Variants in PTPRT observed in about 807,000 individuals in gnomAD.
PTPRT encodes receptor-type tyrosine-protein phosphatase T.
PTPRT carries 56 observed loss-of-function variants against 176.8 expected under a neutral mutation model. The observed-to-expected ratio is 0.32, with a 90% CI of 0.26 to 0.40. PTPRT has a LOEUF of 0.40. Among genes scored for constraint, PTPRT ranks in the 10% least tolerant of loss-of-function variants. PTPRT has a pLI of 1.00. For synonymous variants in PTPRT, 783 were observed against 739.0 expected (o/e 1.06, Z -0.96); for missense variants, 1,540 against 1,908.2 (o/e 0.81, Z 3.60).
intron 10 of PTPRT, among the ~76,000 whole-genome samples, chr20:42,351,557 A>G (rs2058284289): frequency 6.6e-6 from 1 of 152,254 alleles, no homozygotes; most frequent in African/African-American, 2.4e-5. Flanking sequence ...AATTGCATAC[A>G]TATTTAGGAT....
At chr20:42,572,144 C>T (rs779628463) in intron 7 of PTPRT, among the ~76,000 whole-genome samples, 9 of 152,074 alleles carry the variant, frequency 5.9e-5, no homozygotes, top group Non-Finnish European at 1.0e-4. Context: ...CAGAAGAGGC[C>T]GGGGGCTCCC....
intron 9 of PTPRT, among the ~76,000 whole-genome samples, chr20:42,415,390 T>TTTG (rs1215456983): frequency 8.3e-5 from 9 of 108,742 alleles, no homozygotes; most frequent in African/African-American, 3.0e-4. Context: ...TTGTTTGTTT[T>TTTG]TTGTAGATAC....
intron 9 of PTPRT, among the ~76,000 whole-genome samples, chr20:42,418,647 C>T (rs569096124): frequency 3.0e-4 from 45 of 152,254 alleles, no homozygotes; most frequent in African/African-American, 8.7e-4. Context: ...AACAGAGAGA[C>T]GCAAATTACC....
At chr20:42,072,103 A>G (rs1471380902), downstream of PTPRT, among the ~76,000 whole-genome samples, 2 of 152,190 alleles carry the variant, frequency 1.3e-5, no homozygotes, top group Non-Finnish European at 2.9e-5. Flanking sequence ...AGCAAAATAT[A>G]TATGTGATTG....
chr20:42,327,296 A>T (rs2057898749), intron 11 of PTPRT, among the ~76,000 whole-genome samples: 1 of 152,128 alleles, frequency 6.6e-6, no homozygotes, highest in African/African-American at 2.4e-5. Flanking sequence ...GAATTAATTT[A>T]TTTACTGAAA....
chr20:42,677,369 G>T (rs2075522580), intron 7 of PTPRT, among the ~76,000 whole-genome samples: 1 of 151,818 alleles, frequency 6.6e-6, no homozygotes, highest in Admixed American at 6.6e-5. Context: ...GCGTTCACGG[G>T]GCACAGTGAG....
intron 6 of PTPRT, among the ~76,000 whole-genome samples, chr20:42,693,581 G>A (rs577354390): frequency 6.6e-6 from 1 of 152,280 alleles, no homozygotes; most frequent in South Asian, 2.1e-4. Flanking sequence ...CACTTGATCT[G>A]TGATACAGCT....
intron 1 of PTPRT, among the ~76,000 whole-genome samples, chr20:43,032,082 T>C (rs1986161005): frequency 1.3e-5 from 2 of 152,126 alleles, no homozygotes; most frequent in African/African-American, 2.4e-5. Flanking sequence ...CTATCACCCA[T>C]ACCACCCCAT....
At chr20:42,798,648 A>C (rs2077486411) in intron 2 of PTPRT, among the ~76,000 whole-genome samples, 1 of 152,150 alleles carries the variant, frequency 6.6e-6, no homozygotes, top group Non-Finnish European at 1.5e-5. Flanking sequence ...AAAACAAAAA[A>C]AAGATACATC....
chr20:42,971,086 A>G (rs1378823122), intron 1 of PTPRT: 1 of 152,238 alleles, frequency 6.6e-6, no homozygotes, highest in Non-Finnish European at 1.5e-5. Context: ...GGCCACAATC[A>G]ACTACTACAA....
At chr20:42,614,546 C>G (rs188293864) in intron 7 of PTPRT, among the ~76,000 whole-genome samples, 1 of 140,242 alleles carries the variant, frequency 7.1e-6, no homozygotes, top group African/African-American at 3.0e-5. Context: ...GTCACCACCC[C>G]CTTCTATTCC....
intron 2 of PTPRT, among the ~76,000 whole-genome samples, chr20:42,847,842 AT>A (rs879292898): frequency 6.6e-6 from 1 of 152,032 alleles, no homozygotes; most frequent in Non-Finnish European, 1.5e-5. Flanking sequence ...TCTTTAAAAA[AT>A]TTTTTCCATA....
chr20:43,062,881 T>G (rs1987531022), intron 1 of PTPRT, among the ~76,000 whole-genome samples: 1 of 152,192 alleles, frequency 6.6e-6, no homozygotes, highest in Non-Finnish European at 1.5e-5. Context: ...TATTACTTTT[T>G]CCTAAGAGTG....
At chr20:43,080,480 C>T (rs1260529847) in intron 1 of PTPRT, among the ~76,000 whole-genome samples, 1 of 152,192 alleles carries the variant, frequency 6.6e-6, no homozygotes, top group Non-Finnish European at 1.5e-5. Flanking sequence ...GTCATAATAG[C>T]TGCCTTTACT....
At chr20:42,960,007 T>C (rs1418467696) in intron 1 of PTPRT, among the ~76,000 whole-genome samples, 1 of 152,092 alleles carries the variant, frequency 6.6e-6, no homozygotes, top group Non-Finnish European at 1.5e-5. Flanking sequence ...CTGGCCCCCT[T>C]TTCAGACACC....
At chr20:42,205,924 G>T (rs570693941) in intron 15 of PTPRT, among the ~76,000 whole-genome samples, 1 of 152,146 alleles carries the variant, frequency 6.6e-6, no homozygotes. Context: ...TCAGCTTAAA[G>T]TTACACATCG....
At chr20:43,154,200 G>C (rs915304943) in intron 1 of PTPRT, among the ~76,000 whole-genome samples, 1 of 152,084 alleles carries the variant, frequency 6.6e-6, no homozygotes, top group Non-Finnish European at 1.5e-5. Context: ...TTTTGTACAC[G>C]GTGAGAGATA....
intron 1 of PTPRT, among the ~76,000 whole-genome samples, chr20:43,027,425 A>C (rs1985957748): frequency 6.6e-6 from 1 of 151,648 alleles, no homozygotes; most frequent in Admixed American, 6.6e-5. Context: ...GCAGTGAGCC[A>C]AGATCGTGCC....
At chr20:43,187,024 TTTTG>T (rs1032187198) in intron 1 of PTPRT, among the ~76,000 whole-genome samples, 8 of 152,246 alleles carry the variant, frequency 5.3e-5, no homozygotes, top group African/African-American at 1.9e-4. Flanking sequence ...TCTAAAGGTT[TTTTG>T]TTTGTTTGAT....
Sources: gnomAD v4.1 joint callset for allele counts (sites outside exome capture counted in the v4.1 genomes callset) on GRCh38, gnomAD v4.1.1 for gene constraint, MANE v1.5 for transcripts, NCBI Gene and HGNC (gene_info 2026-07-23, HGNC 2026-07-21) for gene names.